The following CPVL variants were observed in gnomAD, a reference collection of about 807,000 sequenced individuals.
CPVL encodes probable serine carboxypeptidase CPVL.
CPVL carries 51 observed loss-of-function variants against 63.7 expected under a neutral mutation model. The ratio of observed to expected loss-of-function variants is 0.80; its 90% CI spans 0.64 to 1.01. CPVL has a LOEUF of 1.01. CPVL is among the 50% of genes least tolerant of loss of function. The pLI, the probability that CPVL is intolerant of heterozygous loss-of-function variation, is 0.00. For synonymous variants in CPVL, 195 were observed against 206.0 expected, an observed-to-expected ratio of 0.95 and a Z score of 0.46; for missense variants, 530 against 573.1, an observed-to-expected ratio of 0.92 and a Z score of 0.77.
In CPVL at chr7:29,064,107, A is replaced by G. The variant is rs1782910616; in HGVS notation, c.1091T>C (p.Val364Ala). 6.2e-7 allele frequency: 1 copy of G among 1,613,136 alleles called. No homozygotes were observed. Among genetic ancestry groups the G allele is most frequent in the Non-Finnish European group, 8.5e-7 (1 of 1,179,198 alleles). Residue 364 changes from valine to alanine, a missense_variant, in exon 11 of 13, where the codon GTA (valine) becomes GCA (alanine). By Grantham distance (64) the Val-to-Ala change is moderately conservative (BLOSUM62 0). Transcript: ENST00000265394. ...AGTTAACCATGGCTTAACTGACTGT[A>G]CTGTATCTTCTCGCAAGTACTTTTC... ...IVEKYLREDT[V>A]QSVKPWLTEI... is the part of the protein sequence containing the mutation.
chr7:29,097,790 T>G (rs1786595518), intron 3 of CPVL, among the ~76,000 whole-genome samples: 1 of 152,158 alleles, frequency 6.6e-6, no homozygotes, highest in African/African-American at 2.4e-5. Flanking sequence ...GAGAAGGTGA[T>G]TAGCGAAGGC....
intron 11 of CPVL, among the ~76,000 whole-genome samples, chr7:29,031,012 T>C (rs1240355356): frequency 6.6e-6 from 1 of 152,218 alleles, no homozygotes; most frequent in Non-Finnish European, 1.5e-5. Flanking sequence ...TACTCAGTGA[T>C]ACATATATAC....
chr7:29,150,920 C>T (rs1793504938), upstream of CPVL, among the ~76,000 whole-genome samples: 1 of 152,140 alleles, frequency 6.6e-6, no homozygotes, highest in Non-Finnish European at 1.5e-5. Context: ...GTGTCACACC[C>T]ACACACTTGC....
chr7:29,081,690 A>G (rs1029906778), intron 7 of CPVL, among the ~76,000 whole-genome samples: 2 of 152,228 alleles, frequency 1.3e-5, no homozygotes, highest in Non-Finnish European at 2.9e-5. Flanking sequence ...TTAACACTTC[A>G]GCTCTTGTCT....
chr7:29,116,648 A>G (rs907915833), intron 2 of CPVL, among the ~76,000 whole-genome samples: 2 of 152,222 alleles, frequency 1.3e-5, no homozygotes, highest in African/African-American at 4.8e-5. Context: ...ACCAGTGTGG[A>G]CAGACATTAT....
At chr7:29,005,175 C>T (rs1354637105) in intron 12 of CPVL, among the ~76,000 whole-genome samples, 1 of 152,048 alleles carries the variant, frequency 6.6e-6, no homozygotes, top group Non-Finnish European at 1.5e-5. Flanking sequence ...GCTGAGATTA[C>T]CCATCGCGCC....
intron 11 of CPVL, among the ~76,000 whole-genome samples, chr7:29,044,583 T>G (rs1789436150): frequency 6.6e-6 from 1 of 152,240 alleles, no homozygotes; most frequent in South Asian, 2.1e-4. Flanking sequence ...TTAAAACATC[T>G]ACGTCGACTT....
intron 1 of CPVL, among the ~76,000 whole-genome samples, chr7:29,141,194 A>G (rs1357212546): frequency 6.6e-6 from 1 of 152,228 alleles, no homozygotes; most frequent in African/African-American, 2.4e-5. Context: ...CACAGTACCT[A>G]GCATACAGTC....
rs147204083 is a variant in CPVL at position 29,121,048 on chromosome 7, A to G, written c.14T>C (p.Met5Thr). The G allele has an allele frequency of 4.7e-3, 7,544 of 1,605,382 alleles. 41 individuals are homozygous for G. The highest frequency in any genetic ancestry group is 8.0e-3 in the South Asian group (714 of 88,866). ...GACCAGCGAAACAATCACCTTCCACATGGCACCAACCATCTCTCAGGGTCT... is the reference window on the plus strand; with the variant it reads ...GACCAGCGAAACAATCACCTTCCACGTGGCACCAACCATCTCTCAGGGTCT... The part of the protein sequence containing the change: MVGA[M>T]WKVIVSLVLL... Residue 5 changes from methionine (M) to threonine (T), a missense_variant, in exon 2 of 13, where the codon ATG becomes ACG. Physicochemically the swap from Met to Thr is moderately conservative, Grantham distance 81. Transcript: ENST00000265394.
intron 4 of CPVL, among the ~76,000 whole-genome samples, chr7:29,183,383 C>CTT (rs200037874): frequency 3.4e-4 from 48 of 141,430 alleles, no homozygotes; most frequent in African/African-American, 1.1e-3. Context: ...CGTGCCTAGC[C>CTT]TTTTTTTTTT....
intron 6 of CPVL, among the ~76,000 whole-genome samples, chr7:29,092,301 G>A (rs1482549341): frequency 2.6e-5 from 4 of 151,426 alleles, no homozygotes; most frequent in African/African-American, 7.3e-5. Flanking sequence ...GTAAAAAATT[G>A]CATCCAAAAG....
intron 1 of CPVL, among the ~76,000 whole-genome samples, chr7:29,125,474 C>A (rs1440084185): frequency 6.6e-6 from 1 of 151,120 alleles, no homozygotes; most frequent in Non-Finnish European, 1.5e-5. Context: ...CTCACTACAA[C>A]CTCCGCCTCC....
chr7:28,994,861 C>G (rs1783930513), downstream of CPVL, among the ~76,000 whole-genome samples: 2 of 152,192 alleles, frequency 1.3e-5, no homozygotes, highest in African/African-American at 4.8e-5. Context: ...GTGGAAAAAT[C>G]CACACGTCTT....
At chr7:29,042,415 C>A (rs317762) in intron 11 of CPVL, among the ~76,000 whole-genome samples, 21,469 of 151,912 alleles carry the variant, frequency 0.14, 1,583 homozygotes, top group Middle Eastern at 0.23. Flanking sequence ...CCAGTCTGGG[C>A]AACACAGCAA....
chr7:29,053,688 A>C (rs1790423778), intron 11 of CPVL, among the ~76,000 whole-genome samples: 1 of 152,136 alleles, frequency 6.6e-6, no homozygotes, highest in Non-Finnish European at 1.5e-5. Flanking sequence ...AGAAAATTGC[A>C]GTTGCAAAAA....
chr7:29,024,501 C>T (rs1787303109), intron 12 of CPVL, among the ~76,000 whole-genome samples: 1 of 152,132 alleles, frequency 6.6e-6, no homozygotes, highest in Non-Finnish European at 1.5e-5. Context: ...GCTCAAAAAT[C>T]TCCAAATGGA....
intron 5 of CPVL, among the ~76,000 whole-genome samples, chr7:29,171,397 G>A (rs777506271): frequency 1.3e-5 from 2 of 152,104 alleles, no homozygotes; most frequent in Non-Finnish European, 2.9e-5. Flanking sequence ...AATAAACAAC[G>A]GCATTAGCCA....
intron 5 of CPVL, among the ~76,000 whole-genome samples, chr7:29,175,502 T>G (rs1466651380): frequency 6.6e-6 from 1 of 152,012 alleles, no homozygotes; most frequent in Non-Finnish European, 1.5e-5. Context: ...ATAAGGCATT[T>G]CCCCTTTCAC....
intron 6 of CPVL, among the ~76,000 whole-genome samples, chr7:29,090,434 T>C (rs993414268): frequency 6.6e-6 from 1 of 152,218 alleles, no homozygotes; most frequent in Admixed American, 6.5e-5. Flanking sequence ...AAGCTTTGTT[T>C]AGCAACACTA....
Sources: allele counts gnomAD v4.1 joint callset (sites outside exome capture counted in the v4.1 genomes callset), GRCh38; gene constraint gnomAD v4.1.1; transcripts MANE v1.5; gene names NCBI Gene and HGNC (gene_info 2026-07-23, HGNC 2026-07-21).